Variants in SSH2 observed in about 807,000 individuals in gnomAD.
SSH2 encodes slingshot protein phosphatase 2.
Under a neutral mutation model 135.2 loss-of-function variants are expected in SSH2, and 37 were observed. That is an observed-to-expected ratio of 0.27 (90% CI 0.21 to 0.36). SSH2 has a LOEUF of 0.36. SSH2 is among the 10% of genes least tolerant of loss of function. The pLI is 1.00. For missense variants in SSH2, 1,408 were observed against 1,765.3 expected (o/e 0.80, Z 3.63); for synonymous variants, 628 against 646.2 (o/e 0.97, Z 0.43).
chr17:29,717,537 G>A (rs928050334), intron 3 of SSH2, among the ~76,000 whole-genome samples: 1 of 152,232 alleles, frequency 6.6e-6, no homozygotes, highest in African/African-American at 2.4e-5. Flanking sequence ...GATGAGCAGT[G>A]GCTGCCATTT....
chr17:29,866,711 C>G (rs1032588468), intron 1 of SSH2, among the ~76,000 whole-genome samples: 1 of 152,196 alleles, frequency 6.6e-6, no homozygotes, highest in Non-Finnish European at 1.5e-5. Context: ...AATGGAAATT[C>G]ATAGAGAGGC....
chr17:29,847,932 C>T (rs1036245627), intron 2 of SSH2, among the ~76,000 whole-genome samples: 44 of 152,128 alleles, frequency 2.9e-4, no homozygotes, highest in African/African-American at 6.5e-4. Context: ...TGGGTATAAG[C>T]GAGTATATAT....
chr17:29,643,111 A>C (rs1336165088), intron 14 of SSH2: 1 of 985,180 alleles, frequency 1.0e-6, no homozygotes. Context: ...CTAAATTGCA[A>C]GGCTTGATAG....
chr17:29,853,613 G>A (rs1454406732), intron 1 of SSH2, among the ~76,000 whole-genome samples: 1 of 151,762 alleles, frequency 6.6e-6, no homozygotes, highest in Non-Finnish European at 1.5e-5. Flanking sequence ...TTCTTGCATT[G>A]GATGTATCAA....
intron 1 of SSH2, among the ~76,000 whole-genome samples, chr17:29,849,426 C>CCGAG (rs2065507695): frequency 6.7e-6 from 1 of 148,984 alleles, no homozygotes; most frequent in Admixed American, 6.7e-5. Context: ...TTGCAGTGAG[C>CCGAG]CGAGATCGCG....
intron 14 of SSH2, among the ~76,000 whole-genome samples, chr17:29,639,337 C>A: frequency 6.6e-6 from 1 of 152,068 alleles, no homozygotes; most frequent in Non-Finnish European, 1.5e-5. Context: ...AAGTATGGTC[C>A]TTGGGGGTGT....
intron 3 of SSH2, among the ~76,000 whole-genome samples, chr17:29,726,558 G>A (rs1368963764): frequency 6.6e-6 from 1 of 152,178 alleles, no homozygotes; most frequent in Non-Finnish European, 1.5e-5. Context: ...AGGGTGGTCT[G>A]ATCTGAGCTA....
chr17:29,674,959 G>A (rs1347236049), intron 8 of SSH2, among the ~76,000 whole-genome samples: 3 of 151,942 alleles, frequency 2.0e-5, no homozygotes, highest in Admixed American at 6.6e-5. Flanking sequence ...TTGATTTAAG[G>A]TTATTACTTG....
intron 3 of SSH2, among the ~76,000 whole-genome samples, chr17:29,743,865 G>T (rs2040654352): frequency 6.7e-6 from 1 of 148,660 alleles, no homozygotes; most frequent in South Asian, 2.1e-4. Flanking sequence ...CATTTTTCTT[G>T]GCATAGGCAT....
intron 2 of SSH2, among the ~76,000 whole-genome samples, chr17:29,809,540 C>A (rs749682395): frequency 6.6e-6 from 1 of 151,914 alleles, no homozygotes; most frequent in South Asian, 2.1e-4. Context: ...CTTTTGCTTG[C>A]CTACTTCTAT....
chr17:29,628,254 G>A lies in SSH2; in HGVS notation c.*2587C>T, dbSNP rs2035555358. 1 of 152,194 alleles carries A rather than the reference G, an allele frequency of 6.6e-6. No homozygotes were observed. The highest frequency in any genetic ancestry group is 2.4e-5 in the African/African-American group (1 of 41,440). The allele number at this position is 152,194 out of a possible 1,614,324, so 9.4% of individuals were successfully genotyped here. On this transcript the variant is annotated 3_prime_UTR_variant, in exon 16 of 16. Transcript: ENST00000540801. ...ATATTCTGTAGAAGATGTTTATTTA[G>A]GCAGGTAAATTAAATGATAAAAAAA...
chr17:29,893,807 A>G (rs1174494097), intron 1 of SSH2, among the ~76,000 whole-genome samples: 1 of 152,144 alleles, frequency 6.6e-6, no homozygotes, highest in Non-Finnish European at 1.5e-5. Context: ...AGTTTCTCCA[A>G]TGTTTTCCCA....
At chr17:29,891,973 T>G (rs2066357876) in intron 1 of SSH2, among the ~76,000 whole-genome samples, 2 of 152,268 alleles carry the variant, frequency 1.3e-5, no homozygotes, top group South Asian at 4.1e-4. Flanking sequence ...CTTTATAAAA[T>G]TAGGAAAATG....
intron 4 of SSH2, among the ~76,000 whole-genome samples, chr17:29,701,748 T>A (rs931531238): frequency 6.6e-6 from 1 of 151,622 alleles, no homozygotes; most frequent in Admixed American, 6.6e-5. Context: ...TTTTTGTATT[T>A]TTAGTAGAGA....
chr17:29,908,403 T>C (rs546877684), intron 1 of SSH2, among the ~76,000 whole-genome samples: 111 of 152,214 alleles, frequency 7.3e-4, no homozygotes, highest in African/African-American at 2.6e-3. Context: ...GGCTGCGGTA[T>C]ACAGTGAGCC....
At chr17:29,748,107 T>C (rs1332541422) in intron 3 of SSH2, among the ~76,000 whole-genome samples, 1 of 152,224 alleles carries the variant, frequency 6.6e-6, no homozygotes, top group Non-Finnish European at 1.5e-5. Flanking sequence ...CCTGTTCATC[T>C]TCATTGTGCA....
chr17:29,702,516 G>A (rs1043118331), intron 4 of SSH2, among the ~76,000 whole-genome samples: 5 of 151,854 alleles, frequency 3.3e-5, no homozygotes, highest in Admixed American at 6.6e-5. Flanking sequence ...TGAGCTGGGC[G>A]TGGTGGCGGG....
At chr17:29,918,005 T>A (rs966809141) in intron 1 of SSH2, among the ~76,000 whole-genome samples, 1 of 150,126 alleles carries the variant, frequency 6.7e-6, no homozygotes, top group South Asian at 2.1e-4. Context: ...CAAAGTGAGA[T>A]CCCCATCTCT....
At chr17:29,850,423 C>G (rs1019219180) in intron 1 of SSH2, among the ~76,000 whole-genome samples, 1 of 152,172 alleles carries the variant, frequency 6.6e-6, no homozygotes, top group Non-Finnish European at 1.5e-5. Flanking sequence ...CTAGTTGATT[C>G]CTACTTTAAT....
Sources: gnomAD v4.1 joint callset for allele counts (sites outside exome capture counted in the v4.1 genomes callset) on GRCh38, gnomAD v4.1.1 for gene constraint, MANE v1.5 for transcripts, NCBI Gene and HGNC (gene_info 2026-07-23, HGNC 2026-07-21) for gene names.